SMC5: variants seen among roughly 807,000 people sequenced by gnomAD.
The protein encoded by SMC5 is structural maintenance of chromosomes protein 5.
SMC5 carries 88 observed loss-of-function variants against 148.3 expected under a neutral mutation model. The observed-to-expected ratio is 0.59, with a 90% confidence interval of 0.50 to 0.71. SMC5 has a LOEUF of 0.71. Ranked by LOEUF, SMC5 falls within the 30% of genes least tolerant of loss-of-function variation. SMC5 has a pLI of 0.00. For missense variants in SMC5, 1,142 were observed against 1,298.9 expected (o/e 0.88, Z 1.86); for synonymous variants, 421 against 432.8 (o/e 0.97, Z 0.34).
At chr9:70,339,049 T>C (rs552339381) in intron 17 of SMC5, among the ~76,000 whole-genome samples, 48 of 152,318 alleles carry the variant, frequency 3.2e-4, no homozygotes, top group African/African-American at 1.0e-3. Context: ...TTACCAGCCC[T>C]TTTGTAAGGT....
At chr9:70,299,041 A>G (rs1165523437) in intron 9 of SMC5, among the ~76,000 whole-genome samples, 1 of 151,810 alleles carries the variant, frequency 6.6e-6, no homozygotes, top group East Asian at 1.9e-4. Context: ...TGGTCATTTA[A>G]CAATTGTCAG....
chr9:70,264,309 A>T lies in SMC5; in HGVS notation c.191A>T (p.Tyr64Phe), dbSNP rs769648646. ...TTCATCTCTTTATAATTCAGAACAT[A>T]TGATATTTGTGAAGTATCTCCTGGA... ...VRISMENFLT[Y>F]DICEVSPGPH... The change falls in exon 2 of 25, where the codon TAT becomes TTT. Residue 64 changes from tyrosine (Y) to phenylalanine (F), a missense_variant. By Grantham distance (22) the Tyr-to-Phe change is conservative. Transcript: ENST00000361138. 1.9e-5 allele frequency: 30 copies of T among 1,612,906 alleles called. No homozygotes were observed. The highest frequency in any genetic ancestry group is 2.5e-5 in the Non-Finnish European group (29 of 1,179,432).
chr9:70,277,319 T>G lies in SMC5; in HGVS notation c.390T>G (p.Ala130=), dbSNP rs1408932430. 1 of 1,560,654 alleles carries G rather than the reference T, an allele frequency of 6.4e-7. No homozygotes were observed. The highest frequency in any genetic ancestry group is 8.6e-7 in the Non-Finnish European group (1 of 1,157,168). Reference sequence around the variant, plus strand: ...ATTATTTTTTAATTAGGTTCAGGGCTTCTGGAAATCTTGTAATCACCCGTG... The same window carrying G: ...ATTATTTTTTAATTAGGTTCAGGGCGTCTGGAAATCTTGTAATCACCCGTG... The part of the protein sequence containing the change: ...RGMVEIELFR[A]SGNLVITREI... Residue 130 remains alanine, a synonymous_variant, in exon 4 of 25, where the codon GCT becomes GCG. Transcript: ENST00000361138.
intron 3 of SMC5, among the ~76,000 whole-genome samples, chr9:70,273,186 T>C (rs1188471694): frequency 7.0e-6 from 1 of 143,710 alleles, no homozygotes; most frequent in Non-Finnish European, 1.5e-5. Flanking sequence ...AAAAATCATC[T>C]GGCTTTTTTT....
chr9:70,326,043 TA>T (rs1177683044), intron 17 of SMC5, among the ~76,000 whole-genome samples: 2 of 151,822 alleles, frequency 1.3e-5, no homozygotes, highest in Non-Finnish European at 2.9e-5. Context: ...ATAAGAGACA[TA>T]AAAACAAATA....
rs373414886 is a variant in SMC5, at chr9:70,305,379, A to C, written c.1578+19A>C. Reference sequence around the variant, plus strand: ...CAAAGAGGCAAGTACTAACCAACACAACACTTTGATTCACTTGACACTTAC... The same window carrying C: ...CAAAGAGGCAAGTACTAACCAACACCACACTTTGATTCACTTGACACTTAC... On this transcript the variant is annotated intron_variant, in intron 11 of 24. Transcript: ENST00000361138. 1.6e-5 allele frequency: 22 copies of C among 1,374,060 alleles called. No individual in the cohort carries two copies. Among genetic ancestry groups the C allele is most frequent in the Non-Finnish European group, 2.1e-5 (20 of 972,660 alleles). 85.1% of individuals were successfully genotyped at this position (1,374,060 alleles called of 1,614,324 possible).
chr9:70,299,957 A>C, intron 9 of SMC5, 89 bp from the exon 10 acceptor site: 1 of 1,213,630 alleles, frequency 8.2e-7, no homozygotes, highest in South Asian at 1.7e-5. Flanking sequence ...AACCTTTAGA[A>C]CTAGGGTATT....
At chr9:70,311,049 A>C (rs2035643393) in intron 11 of SMC5, 1 of 152,188 alleles carries the variant, frequency 6.6e-6, no homozygotes, top group Non-Finnish European at 1.5e-5. Flanking sequence ...CAATAAGGTA[A>C]TTTTGCTTTC....
At chr9:70,296,552 C>CAAA (rs112744853) in intron 8 of SMC5, among the ~76,000 whole-genome samples, 6 of 112,812 alleles carry the variant, frequency 5.3e-5, no homozygotes, top group Non-Finnish European at 1.1e-4. Context: ...GACTCTGTCT[C>CAAA]AAAAAAAAAA....
chr9:70,309,053 T>C (rs1321445594), intron 11 of SMC5, among the ~76,000 whole-genome samples: 1 of 152,176 alleles, frequency 6.6e-6, no homozygotes, highest in Non-Finnish European at 1.5e-5. Flanking sequence ...GTACATACTT[T>C]AAAAACACTT....
intron 7 of SMC5, among the ~76,000 whole-genome samples, chr9:70,284,008 A>G (rs910390033): frequency 3.9e-5 from 6 of 152,150 alleles, no homozygotes; most frequent in African/African-American, 1.4e-4. Flanking sequence ...CTTTTTAGGC[A>G]CCTGAAAGTC....
At chr9:70,292,530 G>A (rs958605557) in intron 8 of SMC5, among the ~76,000 whole-genome samples, 1 of 152,032 alleles carries the variant, frequency 6.6e-6, no homozygotes, top group African/African-American at 2.4e-5. Flanking sequence ...TACAACTTCA[G>A]CACTCTGTTG....
At position 70,259,152 on chromosome 9, in the gene SMC5, C is replaced by G. The variant is rs139961466; in HGVS notation, c.74C>G (p.Ser25Trp). 5 of 1,612,372 alleles carry G rather than the reference C, an allele frequency of 3.1e-6. No homozygotes were observed. The East Asian group carries it at 8.9e-5, about 29-fold the overall frequency. The change falls in exon 1 of 25, where the codon TCG becomes TGG. Residue 25 changes from serine to tryptophan, a missense_variant. Around this residue, in one of 5 missense-constraint regions of SMC5, gnomAD observed 297 missense variants for 302.6 expected, o/e 0.98. Coordinates refer to ENST00000361138, the MANE Select transcript of SMC5 (RefSeq NM_015110.4). ...PSKRALPRDP[S>W]SEVPSKRKNS... ...AAGAGAGCTCTCCCGAGAGACCCTT[C>G]GTCGGAGGTCCCGAGCAAGAGGAAG...
chr9:70,299,930 T>G, intron 9 of SMC5, 116 bp from the exon 10 acceptor site: 1 of 830,938 alleles, frequency 1.2e-6, no homozygotes, highest in Non-Finnish European at 1.7e-6. Context: ...GGGAGTTACT[T>G]GCTGAGTGGT....
At chr9:70,263,977 T>C (rs1360055487) in intron 1 of SMC5, among the ~76,000 whole-genome samples, 2 of 152,234 alleles carry the variant, frequency 1.3e-5, no homozygotes, top group African/African-American at 4.8e-5. Flanking sequence ...CTATAAAATT[T>C]GTTTTAAAGT....
intron 2 of SMC5, among the ~76,000 whole-genome samples, chr9:70,265,992 G>T (rs758840186): frequency 6.6e-6 from 1 of 152,080 alleles, no homozygotes; most frequent in Non-Finnish European, 1.5e-5. Flanking sequence ...ATGAAGTTAA[G>T]CTTGAACTAA....
chr9:70,278,880 TA>T lies in SMC5; in HGVS notation c.678+264del, dbSNP rs562039434. Reference sequence around the variant, plus strand: ...TTTTAAGGAACCAGTAACAGTATTATAAAAAAAAATTATCTCAGGAAGTTAT... The same window carrying T: ...TTTTAAGGAACCAGTAACAGTATTATAAAAAAAATTATCTCAGGAAGTTAT... On this transcript the variant is annotated intron_variant, in intron 5 of 24. Transcript: ENST00000361138. 4.0e-3 allele frequency among the ~76,000 whole-genome samples: 602 copies of T among 151,778 alleles called. 3 individuals are homozygous for T. The highest frequency in any genetic ancestry group is 0.013 in the African/African-American group (554 of 41,436).
chr9:70,287,595 C>G (rs1285502096), intron 8 of SMC5, among the ~76,000 whole-genome samples: 1 of 152,128 alleles, frequency 6.6e-6, no homozygotes, highest in East Asian at 1.9e-4. Flanking sequence ...GTGTTAATCT[C>G]CTAGTTCTCA....
At chr9:70,287,608 C>T (rs1182273410) in intron 8 of SMC5, among the ~76,000 whole-genome samples, 3 of 152,146 alleles carry the variant, frequency 2.0e-5, no homozygotes, top group Non-Finnish European at 2.9e-5. Flanking sequence ...AGTTCTCAGC[C>T]TCACCCCTTT....
Sources: gnomAD v4.1 joint callset for allele counts (sites outside exome capture counted in the v4.1 genomes callset) on GRCh38, gnomAD v4.1.1 for gene constraint, gnomAD v4.1.1 regional missense constraint, MANE v1.5 for transcripts, NCBI Gene and HGNC (gene_info 2026-07-23, HGNC 2026-07-21) for gene names.